The following DPP6 variants were observed in gnomAD, a reference collection of about 807,000 sequenced individuals.
The protein encoded by DPP6 is A-type potassium channel modulatory protein DPP6.
A neutral mutation model predicts 122.6 loss-of-function variants in DPP6; 69 were observed. That is an observed-to-expected ratio of 0.56 (90% CI 0.46 to 0.69). The LOEUF (loss-of-function observed/expected upper bound fraction) is 0.69. Ranked by LOEUF, DPP6 falls within the 30% of genes least tolerant of loss-of-function variation. The pLI is 0.00. For synonymous variants in DPP6, 418 were observed against 433.1 expected (o/e 0.97, Z 0.43); for missense variants, 928 against 1,116.9 (o/e 0.83, Z 2.41).
At chr7:154,542,923 T>C (rs1828849115) in intron 4 of DPP6, among the ~76,000 whole-genome samples, 1 of 152,226 alleles carries the variant, frequency 6.6e-6, no homozygotes, top group South Asian at 2.1e-4. Flanking sequence ...AGCTGATTTC[T>C]TCTGCCAGCC....
chr7:154,733,507 GT>G (rs1183470832), intron 8 of DPP6, among the ~76,000 whole-genome samples: 1 of 152,202 alleles, frequency 6.6e-6, no homozygotes, highest in Non-Finnish European at 1.5e-5. Flanking sequence ...TGACCTAATA[GT>G]TTTCTGTTCC....
chr7:154,573,514 G>C (rs1037396612), intron 5 of DPP6, among the ~76,000 whole-genome samples: 1 of 152,156 alleles, frequency 6.6e-6, no homozygotes, highest in African/African-American at 2.4e-5. Flanking sequence ...GCACCCATCA[G>C]CATCACTCCA....
intron 2 of DPP6, among the ~76,000 whole-genome samples, chr7:154,457,848 G>A (rs868689767): frequency 8.2e-5 from 2 of 24,502 alleles, no homozygotes; most frequent in Non-Finnish European, 1.6e-4. Flanking sequence ...GGGAGGGATA[G>A]CATTGGGAGA....
the DPP6 span, among the ~76,000 whole-genome samples, chr7:153,798,062 T>C: frequency 6.6e-6 from 1 of 152,130 alleles, no homozygotes; most frequent in Non-Finnish European, 1.5e-5. Context: ...CAGGATGGTC[T>C]TGATCTCCTG....
At chr7:154,688,951 G>A (rs562472942) in intron 7 of DPP6, among the ~76,000 whole-genome samples, 1 of 152,302 alleles carries the variant, frequency 6.6e-6, no homozygotes, top group East Asian at 1.9e-4. Flanking sequence ...TTTGCATCCA[G>A]CAGCCTTGCT....
the DPP6 span, among the ~76,000 whole-genome samples, chr7:153,864,376 C>T: frequency 8.6e-5 from 13 of 151,988 alleles, 1 homozygote; most frequent in South Asian, 2.1e-4. Context: ...TGCTTGGGGC[C>T]GGGCGTGGTG....
At chr7:154,695,569 T>C (rs896074375) in intron 7 of DPP6, among the ~76,000 whole-genome samples, 1 of 151,946 alleles carries the variant, frequency 6.6e-6, no homozygotes, top group African/African-American at 2.4e-5. Context: ...ACATAGTGAT[T>C]TGGTGTTTTG....
intron 1 of DPP6, among the ~76,000 whole-genome samples, chr7:154,132,852 C>G (rs1362703604): frequency 6.6e-6 from 1 of 151,924 alleles, no homozygotes; most frequent in African/African-American, 2.4e-5. Flanking sequence ...GTGTCTCTGC[C>G]CTTTGGTCAA....
intron 1 of DPP6, among the ~76,000 whole-genome samples, chr7:154,211,277 G>T (rs1799726954): frequency 6.6e-6 from 1 of 152,124 alleles, no homozygotes; most frequent in African/African-American, 2.4e-5. Context: ...CCCCACCTGG[G>T]CATAGGTACA....
intron 16 of DPP6, among the ~76,000 whole-genome samples, chr7:154,840,186 A>C (rs1283731418): frequency 2.0e-5 from 3 of 152,190 alleles, no homozygotes; most frequent in African/African-American, 7.2e-5. Flanking sequence ...GGTCATCCCC[A>C]TTGCTTGCAG....
chr7:153,945,843 C>T (rs567392297), intron 1 of DPP6, among the ~76,000 whole-genome samples: 41 of 152,282 alleles, frequency 2.7e-4, no homozygotes, highest in South Asian at 6.2e-4. Flanking sequence ...ACCTGCATGC[C>T]GTGTTGACTG....
intron 1 of DPP6, among the ~76,000 whole-genome samples, chr7:154,193,142 A>T (rs1269712099): frequency 2.0e-5 from 3 of 152,240 alleles, no homozygotes; most frequent in African/African-American, 7.2e-5. Flanking sequence ...GGCTATTTAC[A>T]TGCAAATGTC....
intron 25 of DPP6, 115 bp downstream of exon 25, chr7:154,889,645 G>T: frequency 6.7e-7 from 1 of 1,487,498 alleles, no homozygotes; most frequent in Non-Finnish European, 9.0e-7. Context: ...GTGCTGTGGT[G>T]GTCGGTGATG....
At chr7:154,167,939 G>T (rs1161547525) in intron 1 of DPP6, among the ~76,000 whole-genome samples, 3 of 152,110 alleles carry the variant, frequency 2.0e-5, no homozygotes, top group Non-Finnish European at 4.4e-5. Flanking sequence ...GGCCTGTCTC[G>T]CACCTGTCAG....
intron 1 of DPP6, among the ~76,000 whole-genome samples, chr7:154,013,059 T>G (rs1798219650): frequency 6.6e-6 from 1 of 152,184 alleles, no homozygotes; most frequent in African/African-American, 2.4e-5. Context: ...TCTCCCACAT[T>G]AAGGCCACTG....
chr7:154,161,439 G>A (rs558858946), intron 1 of DPP6, among the ~76,000 whole-genome samples: 369 of 152,200 alleles, frequency 2.4e-3, no homozygotes, highest in African/African-American at 8.3e-3. Context: ...AGAGGTTGCA[G>A]TGAGCCGAGA....
At chr7:153,759,161 C>T in the DPP6 span, among the ~76,000 whole-genome samples, 2 of 152,040 alleles carry the variant, frequency 1.3e-5, no homozygotes. Flanking sequence ...TTATTTCCAT[C>T]CACATATCCT....
intron 5 of DPP6, among the ~76,000 whole-genome samples, chr7:154,621,775 C>A (rs554012989): frequency 6.6e-6 from 1 of 152,088 alleles, no homozygotes; most frequent in African/African-American, 2.4e-5. Context: ...TCATGCCTAC[C>A]GTTTATCTGT....
At chr7:154,743,396 G>T (rs1842901144) in intron 8 of DPP6, among the ~76,000 whole-genome samples, 1 of 152,200 alleles carries the variant, frequency 6.6e-6, no homozygotes, top group Non-Finnish European at 1.5e-5. Flanking sequence ...ATGGTGCAAG[G>T]ACAGGAGAAA....
Sources: allele counts gnomAD v4.1 joint callset (sites outside exome capture counted in the v4.1 genomes callset), GRCh38; gene constraint gnomAD v4.1.1; transcripts MANE v1.5; gene names NCBI Gene and HGNC (gene_info 2026-07-23, HGNC 2026-07-21).